ZDHHC11B: variants seen among roughly 807,000 people sequenced by gnomAD.
The protein encoded by ZDHHC11B is probable palmitoyltransferase ZDHHC11B.
ZDHHC11B carries 17 observed loss-of-function variants against 42.3 expected under a neutral mutation model. The ratio of observed to expected loss-of-function variants is 0.40; its 90% CI spans 0.27 to 0.60. The LOEUF is 0.60. ZDHHC11B is among the 20% of genes least tolerant of loss of function. The pLI is 0.41. For synonymous variants in ZDHHC11B, 123 were observed against 193.5 expected, an observed-to-expected ratio of 0.64 and a Z score of 3.02; for missense variants, 262 against 463.2, an observed-to-expected ratio of 0.57 and a Z score of 3.99.
chr5:760,384 C>T lies in ZDHHC11B; in HGVS notation c.223-4240G>A, dbSNP rs149889826. Among the ~76,000 whole-genome samples, 115 of 151,804 alleles carry T rather than the reference C, an allele frequency of 7.6e-4. 3 individuals are homozygous for T. The East Asian group carries it at 0.018, about 24-fold the overall frequency. The stretch of plus-strand genomic sequence containing the variant: ...CGGGAACCCAACGGCAGCAGACACA[C>T]GCAGAGAAAAGACGGTGTGAACACG... On this transcript the variant is annotated intron_variant, in intron 4 of 13. Coordinates refer to ENST00000508859, the MANE Select transcript of ZDHHC11B (RefSeq NM_001351303.2).
rs572346287 is a variant in ZDHHC11B, at chr5:742,669, C to T, written c.901-1041G>A. On this transcript the variant is annotated intron_variant, in intron 9 of 13. Coordinates refer to ENST00000508859, the MANE Select transcript of ZDHHC11B (RefSeq NM_001351303.2). ...CACTGTTGCACACATGTCATGTAAACGTAACTTTTATAAGCACTGGGAAAC... is the reference window on the plus strand; with the variant it reads ...CACTGTTGCACACATGTCATGTAAATGTAACTTTTATAAGCACTGGGAAAC... Among the ~76,000 whole-genome samples the T allele has an allele frequency of 3.1e-4, 47 of 150,018 alleles. 2 individuals carry two copies. The highest frequency in any genetic ancestry group is 9.8e-4 in the African/African-American group (40 of 40,924).
rs188445224 is a variant in ZDHHC11B at position 758,850 on chromosome 5, G to A, written c.223-2706C>T. Among the ~76,000 whole-genome samples the A allele has an allele frequency of 1.1e-3, 171 of 152,004 alleles. 2 individuals are homozygous for A. Among genetic ancestry groups the A allele is most frequent in the Middle Eastern group, 0.01 (3 of 292 alleles). On this transcript the variant is annotated intron_variant, in intron 4 of 13. Transcript: ENST00000508859. ...CGCGCTCTGCGGGTGGGCTTGGGTC[G>A]TCCTCCTGGGACATCCGTCACCCAT...
intron 4 of ZDHHC11B, among the ~76,000 whole-genome samples, chr5:761,859 C>A (rs1734657403): frequency 6.6e-6 from 1 of 152,020 alleles, no homozygotes; most frequent in African/African-American, 2.4e-5. Flanking sequence ...CTCTCACAGA[C>A]CAGACAGCCA....
Position 766,743 on chromosome 5 carries a change from G to A in ZDHHC11B, c.177C>T (p.Ile59=), listed in dbSNP as rs777782294. ...ACGAGTGAGGCAGGAGGGGAATGAA[G>A]ATCCTGAAGGTGGCCAAGGAAAGGC... The part of the protein sequence containing the change: ...FVGLSLATFR[I]FIPLLPHSWK... Residue 59 remains isoleucine, a synonymous_variant, in exon 4 of 14, where the codon ATC becomes ATT. Coordinates refer to ENST00000508859, the MANE Select transcript of ZDHHC11B (RefSeq NM_001351303.2). 2 of 1,612,090 alleles carry A rather than the reference G, an allele frequency of 1.2e-6. No individual in the cohort carries two copies. Among genetic ancestry groups the A allele is most frequent in the South Asian group, 2.2e-5 (2 of 90,870 alleles).
chr5:750,158 C>T (rs1745413644), intron 7 of ZDHHC11B, among the ~76,000 whole-genome samples: 1 of 117,252 alleles, frequency 8.5e-6, no homozygotes, highest in African/African-American at 2.9e-5. Context: ...TGTCCTGCAC[C>T]CCGAGGGGCT....
chr5:758,735 G>C (rs1453866794), intron 4 of ZDHHC11B, among the ~76,000 whole-genome samples: 9 of 151,814 alleles, frequency 5.9e-5, no homozygotes, highest in African/African-American at 2.2e-4. Context: ...GGGACTCAAA[G>C]CTTTTTTCAT....
At position 733,838 on chromosome 5, in the gene ZDHHC11B, C is replaced by G. The variant is rs1255513779; in HGVS notation, c.937G>C (p.Val313Leu). ...AGALGSSAQG[V>L]KAKSSLLIYK... ...ATCAGCAGGGAGCTCTTGGCCTTGA[C>G]TCTGGTGGGACAGGAAGGAGGAGAG... Residue 313 changes from valine (V) to leucine (L), a missense_variant and splice_region_variant, in exon 11 of 14, where the codon GTC becomes CTC. Around this residue, in one of 5 missense-constraint regions of ZDHHC11B, gnomAD observed 75 missense variants for 70.1 expected, o/e 1.07. Coordinates refer to ENST00000508859, the MANE Select transcript of ZDHHC11B (RefSeq NM_001351303.2). 1 of 1,606,332 alleles carries G rather than the reference C, an allele frequency of 6.2e-7. No individual in the cohort carries two copies. Among genetic ancestry groups the G allele is most frequent in the Non-Finnish European group, 8.5e-7 (1 of 1,177,912 alleles).
chr5:758,834 C>A (rs887212424), intron 4 of ZDHHC11B, among the ~76,000 whole-genome samples: 1 of 151,916 alleles, frequency 6.6e-6, no homozygotes, highest in Non-Finnish European at 1.5e-5. Context: ...CCGCGCTCTG[C>A]GGGTGGGCTT....
chr5:784,367 G>T (rs1409873382), intron 1 of ZDHHC11B, among the ~76,000 whole-genome samples: 1 of 151,968 alleles, frequency 6.6e-6, no homozygotes, highest in South Asian at 2.1e-4. Flanking sequence ...AAAGGCCAAA[G>T]CGCCAGGCAC....
At chr5:754,514 C>T (rs1400793375) in intron 6 of ZDHHC11B, among the ~76,000 whole-genome samples, 70 of 126,232 alleles carry the variant, frequency 5.5e-4, no homozygotes, top group African/African-American at 1.6e-3. Context: ...GCATCTCCAC[C>T]GTGCTCAGGG....
At chr5:774,277 T>G (rs1368729014) in intron 1 of ZDHHC11B, among the ~76,000 whole-genome samples, 9 of 152,092 alleles carry the variant, frequency 5.9e-5, no homozygotes, top group Non-Finnish European at 7.4e-5. Context: ...AGAACAGAAT[T>G]GACAGGGCTG....
intron 4 of ZDHHC11B, among the ~76,000 whole-genome samples, chr5:765,681 C>A (rs1474207333): frequency 2.6e-5 from 4 of 151,898 alleles, no homozygotes; most frequent in African/African-American, 9.7e-5. Context: ...CTCTTTGGCT[C>A]CGCACTGCCT....
rs533079147 is a variant in ZDHHC11B at position 750,593 on chromosome 5, C to T, written c.628+540G>A. ...ACGGGATCTGGGTTAGGCGTGGACTCGCCTCTGGAGCCCACAGTCCTCACC... is the reference window on the plus strand; with the variant it reads ...ACGGGATCTGGGTTAGGCGTGGACTTGCCTCTGGAGCCCACAGTCCTCACC... On this transcript the variant is annotated intron_variant, in intron 7 of 13. Coordinates refer to ENST00000508859, the MANE Select transcript of ZDHHC11B (RefSeq NM_001351303.2). Among the ~76,000 whole-genome samples the T allele has an allele frequency of 3.2e-3, 420 of 129,870 alleles. 18 individuals carry two copies. The highest frequency in any genetic ancestry group is 0.01 in the African/African-American group (393 of 39,086). The allele number at this position is 129,870 out of a possible 152,430, so 85.2% of individuals were successfully genotyped here. A position where few individuals can be genotyped will look rare whatever the true frequency, so the allele number is the denominator to read the frequency against.
intron 4 of ZDHHC11B, among the ~76,000 whole-genome samples, chr5:765,921 C>G (rs1735258667): frequency 6.6e-6 from 1 of 151,922 alleles, no homozygotes; most frequent in Non-Finnish European, 1.5e-5. Context: ...CACCACTTCC[C>G]CACTGAGGAA....
chr5:777,431 ACCT>A (rs1272496074), intron 1 of ZDHHC11B, among the ~76,000 whole-genome samples: 1 of 150,882 alleles, frequency 6.6e-6, no homozygotes, highest in Non-Finnish European at 1.5e-5. Context: ...TTCGCTGCAG[ACCT>A]CCCTGGTGAG....
chr5:744,055 A>G lies in ZDHHC11B; in HGVS notation c.900+1128T>C, dbSNP rs562146583. On this transcript the variant is annotated intron_variant, in intron 9 of 13. Transcript: ENST00000508859. ...AATCATGAATGGGAACTTGCTGTTA[A>G]CAAACCCTTTTCTGCATTGATTGGC... Among the ~76,000 whole-genome samples, 14 of 149,976 alleles carry G rather than the reference A, an allele frequency of 9.3e-5. No individual in the cohort carries two copies. In the South Asian group the frequency reaches 3.1e-3, roughly 33 times the overall value.
intron 1 of ZDHHC11B, among the ~76,000 whole-genome samples, chr5:776,159 T>C (rs1399104529): frequency 6.6e-6 from 1 of 151,134 alleles, no homozygotes; most frequent in Non-Finnish European, 1.5e-5. Flanking sequence ...CTGGAGACTG[T>C]TGTCATTAAA....
In ZDHHC11B at chr5:771,829, G is replaced by A. The variant is rs1317883941; in HGVS notation, c.-229-2899C>T. On this transcript the variant is annotated intron_variant, in intron 1 of 13. Coordinates refer to ENST00000508859, the MANE Select transcript of ZDHHC11B (RefSeq NM_001351303.2). The stretch of plus-strand genomic sequence containing the variant: ...CTGTGGTCTCATCTCCTGTGGGGAT[G>A]CGCCTGAACAGAGACCCTTATTCAC... Among the ~76,000 whole-genome samples the A allele has an allele frequency of 3.9e-4, 57 of 145,164 alleles. 1 individual carries two copies. Among genetic ancestry groups the A allele is most frequent in the African/African-American group, 9.7e-4 (39 of 40,044 alleles).
chr5:714,120 GCA>G (rs1465626630), intron 13 of ZDHHC11B, among the ~76,000 whole-genome samples: 14 of 133,508 alleles, frequency 1.0e-4, no homozygotes, highest in African/African-American at 3.3e-4. Flanking sequence ...GCGCACGCGT[GCA>G]CACACACACC....
Sources: allele counts gnomAD v4.1 joint callset (sites outside exome capture counted in the v4.1 genomes callset), GRCh38; gene constraint gnomAD v4.1.1; regional missense constraint gnomAD v4.1.1; transcripts MANE v1.5; gene names NCBI Gene and HGNC (gene_info 2026-07-23, HGNC 2026-07-21).